DPP6: variants seen among roughly 807,000 people sequenced by gnomAD.
DPP6 encodes dipeptidyl peptidase like 6, also known as A-type potassium channel modulatory protein DPP6.
DPP6 carries 69 observed loss-of-function variants against 122.6 expected under a neutral mutation model. The observed-to-expected ratio is 0.56, with a 90% CI of 0.46 to 0.69. The LOEUF is 0.69. Ranked by LOEUF, DPP6 falls within the 30% of genes least tolerant of loss-of-function variation. The pLI is 0.00. For synonymous variants in DPP6, 418 were observed against 433.1 expected (o/e 0.97, Z 0.43); for missense variants, 928 against 1,116.9 (o/e 0.83, Z 2.41).
intron 1 of DPP6, among the ~76,000 whole-genome samples, chr7:154,368,904 A>G (rs934276223): frequency 1.1e-4 from 16 of 152,136 alleles, no homozygotes; most frequent in Non-Finnish European, 1.8e-4. Context: ...TTTCCTAAAC[A>G]GGAAAAGGGT....
chr7:154,776,234 T>TAGATAGATAGAC (rs756603163), intron 10 of DPP6, among the ~76,000 whole-genome samples: 1 of 89,118 alleles, frequency 1.1e-5, no homozygotes, highest in Non-Finnish European at 2.4e-5. Flanking sequence ...GATAGATAGA[T>TAGATAGATAGAC]AAACAGATAC....
At chr7:154,807,208 G>A in intron 16 of DPP6, 96 bp downstream of exon 16, 1 of 1,507,264 alleles carries the variant, frequency 6.6e-7, no homozygotes, top group Non-Finnish European at 8.9e-7. Context: ...AGCGGCTGTG[G>A]TGGGAGCACA....
chr7:154,566,974 T>A, intron 5 of DPP6, 58 bp downstream of exon 5: 2 of 1,224,586 alleles, frequency 1.6e-6, no homozygotes, highest in Non-Finnish European at 2.4e-6. Context: ...AATATCTCAT[T>A]AAGTATATTT....
At chr7:154,718,780 C>T (rs1586950235) in intron 7 of DPP6, among the ~76,000 whole-genome samples, 1 of 152,114 alleles carries the variant, frequency 6.6e-6, no homozygotes, top group South Asian at 2.1e-4. Flanking sequence ...GCTGGGATTA[C>T]AGGCACCCAC....
intron 1 of DPP6, among the ~76,000 whole-genome samples, chr7:154,113,457 C>T (rs1446399627): frequency 1.3e-5 from 2 of 151,878 alleles, no homozygotes; most frequent in Non-Finnish European, 2.9e-5. Flanking sequence ...CACCTACATA[C>T]ATATAGATAT....
chr7:154,515,522 C>T (rs1446294824), intron 3 of DPP6, among the ~76,000 whole-genome samples: 4 of 152,008 alleles, frequency 2.6e-5, no homozygotes, highest in Non-Finnish European at 5.9e-5. Flanking sequence ...GTCTCCCAGG[C>T]TGGAGTGCAG....
intron 5 of DPP6, among the ~76,000 whole-genome samples, chr7:154,593,067 A>G (rs888182302): frequency 1.3e-5 from 2 of 152,188 alleles, no homozygotes; most frequent in Admixed American, 6.5e-5. Context: ...AACACAGGCC[A>G]TCAGCTTCCC....
At chr7:154,726,192 G>A (rs906953939) in intron 7 of DPP6, among the ~76,000 whole-genome samples, 4 of 152,282 alleles carry the variant, frequency 2.6e-5, no homozygotes, top group African/African-American at 9.6e-5. Flanking sequence ...GAAGACAGTG[G>A]CCCTCTTCTC....
the DPP6 span, among the ~76,000 whole-genome samples, chr7:153,819,017 T>A: frequency 6.9e-6 from 1 of 145,694 alleles, no homozygotes; most frequent in African/African-American, 2.6e-5. Flanking sequence ...CCCAAATTGC[T>A]GGGATTACAG....
At chr7:154,668,220 A>ATATATATATAT (rs59348250) in intron 6 of DPP6, among the ~76,000 whole-genome samples, 315 of 24,962 alleles carry the variant, frequency 0.013, 9 homozygotes, top group Admixed American at 0.029. Context: ...TATATATATA[A>ATATATATATAT]TATACACATT....
intron 4 of DPP6, among the ~76,000 whole-genome samples, chr7:154,542,388 A>G (rs1828799743): frequency 6.6e-6 from 1 of 152,212 alleles, no homozygotes; most frequent in East Asian, 1.9e-4. Flanking sequence ...GCGTCAGTGC[A>G]TTTTAATGTC....
chr7:154,149,999 T>C (rs1796329443), intron 1 of DPP6, among the ~76,000 whole-genome samples: 1 of 152,210 alleles, frequency 6.6e-6, no homozygotes, highest in African/African-American at 2.4e-5. Flanking sequence ...CGTGGTGTTG[T>C]AATGATTAGC....
intron 1 of DPP6, among the ~76,000 whole-genome samples, chr7:154,065,601 G>C (rs3969612): frequency 6.6e-6 from 1 of 151,496 alleles, no homozygotes; most frequent in African/African-American, 2.4e-5. Context: ...TAGTACCCCC[G>C]CCCCCGAGAG....
At chr7:154,028,239 C>T (rs1213585636) in intron 1 of DPP6, among the ~76,000 whole-genome samples, 4 of 152,000 alleles carry the variant, frequency 2.6e-5, no homozygotes, top group African/African-American at 7.3e-5. Context: ...ACAATTCCCC[C>T]GAATACACCC....
intron 4 of DPP6, among the ~76,000 whole-genome samples, chr7:154,562,512 G>T (rs1830485642): frequency 6.6e-6 from 1 of 152,036 alleles, no homozygotes; most frequent in African/African-American, 2.4e-5. Context: ...AAGAATGAAG[G>T]CTTTCTCCTC....
intron 1 of DPP6, among the ~76,000 whole-genome samples, chr7:154,002,379 T>G (rs937374619): frequency 2.6e-5 from 4 of 152,224 alleles, no homozygotes; most frequent in African/African-American, 9.6e-5. Flanking sequence ...ATAGACCTGC[T>G]ACATTGCCAG....
intron 1 of DPP6, among the ~76,000 whole-genome samples, chr7:154,337,228 A>G (rs1242777785): frequency 6.6e-6 from 1 of 152,172 alleles, no homozygotes; most frequent in African/African-American, 2.4e-5. Flanking sequence ...GGCACTGGCC[A>G]TACTGCCTCC....
At chr7:154,673,706 T>C (rs932700915) in intron 7 of DPP6, among the ~76,000 whole-genome samples, 3 of 152,192 alleles carry the variant, frequency 2.0e-5, no homozygotes, top group Non-Finnish European at 2.9e-5. Flanking sequence ...CTAGGTAAAA[T>C]GTTAACACAG....
In DPP6 at chr7:154,695,127, T is replaced by A. The variant is rs144539112; in HGVS notation, c.762+25686T>A. On this transcript the variant is annotated intron_variant, in intron 7 of 25. Coordinates refer to ENST00000377770, the MANE Select transcript of DPP6 (RefSeq NM_130797.4). Reference sequence around the variant, plus strand: ...AGATGGTATCAAATGAAGGGAAGACTACAGGGCTGGCGGCAAGGACACAGA... The same window carrying A: ...AGATGGTATCAAATGAAGGGAAGACAACAGGGCTGGCGGCAAGGACACAGA... 5.9e-3 allele frequency among the ~76,000 whole-genome samples: 902 copies of A among 152,282 alleles called. 11 individuals carry two copies. Among genetic ancestry groups the A allele is most frequent in the Middle Eastern group, 0.01 (3 of 294 alleles).
Sources: gnomAD v4.1 joint callset for allele counts (sites outside exome capture counted in the v4.1 genomes callset) on GRCh38, gnomAD v4.1.1 for gene constraint, MANE v1.5 for transcripts, NCBI Gene and HGNC (gene_info 2026-07-23, HGNC 2026-07-21) for gene names.